The following ARRDC2 variants were observed in gnomAD, a reference collection of about 807,000 sequenced individuals.
The protein encoded by ARRDC2 is arrestin domain containing 2.
Under a neutral mutation model 38.9 loss-of-function variants are expected in ARRDC2, and 39 were observed. That is an observed-to-expected ratio of 1.00 (90% confidence interval 0.78 to 1.31). ARRDC2 has a LOEUF of 1.31. Ranked by LOEUF, ARRDC2 falls within the 50% of genes most tolerant of loss-of-function variation. The pLI is 0.00. For missense variants in ARRDC2, 553 were observed against 588.4 expected (o/e 0.94, Z 0.62); for synonymous variants, 300 against 261.9 (o/e 1.15, Z -1.41).
At position 18,008,337 on chromosome 19, in the gene ARRDC2, C is replaced by T; in HGVS notation, c.27C>T (p.Phe9=). 1 of 1,597,096 alleles carries T rather than the reference C, an allele frequency of 6.3e-7. No homozygotes were observed. Among genetic ancestry groups the T allele is most frequent in the Non-Finnish European group, 8.5e-7 (1 of 1,179,048 alleles). The part of the protein sequence containing the change: MLFDKVKA[F]SVQLDGATAG... ...TGCTATTCGACAAGGTGAAAGCGTTCTCGGTGCAGTTGGACGGCGCGACCG... is the reference window on the plus strand; with the variant it reads ...TGCTATTCGACAAGGTGAAAGCGTTTTCGGTGCAGTTGGACGGCGCGACCG... Residue 9 remains phenylalanine (F), a synonymous_variant, in exon 1 of 8, where the codon TTC becomes TTT. Transcript: ENST00000222250.
chr19:18,004,536 C>T (rs1245598110), upstream of ARRDC2, among the ~76,000 whole-genome samples: 3 of 150,516 alleles, frequency 2.0e-5, no homozygotes, highest in Non-Finnish European at 3.0e-5. Context: ...CGTGAGCCAC[C>T]GCGCCCGGCC....
chr19:18,006,326 G>A (rs1162300928), upstream of ARRDC2, among the ~76,000 whole-genome samples: 2 of 152,180 alleles, frequency 1.3e-5, no homozygotes, highest in Non-Finnish European at 2.9e-5. Flanking sequence ...CTGCACTCCA[G>A]CCTGGGCACC....
exon 1 of ARRDC2, chr19:18,001,241 C>G (rs1007281474): frequency 2.6e-6 from 3 of 1,134,020 alleles, no homozygotes; most frequent in South Asian, 4.4e-5. Context: ...CGCGGAAACC[C>G]CGGGGATCTG....
chr19:18,008,442 G>A lies in ARRDC2; in HGVS notation c.132G>A (p.Val44=). ...VLLELSSAAR[V]GALRLRARGR... The stretch of plus-strand genomic sequence containing the variant: ...TGGAGCTGTCAAGCGCCGCGCGTGT[G>A]GGTGCCCTGAGGCTGCGCGCGCGGG... Residue 44 remains valine (V), a synonymous_variant, in exon 1 of 8, where the codon GTG becomes GTA. Coordinates refer to ENST00000222250, the MANE Select transcript of ARRDC2 (RefSeq NM_015683.2). 6.3e-7 allele frequency: 1 copy of A among 1,578,960 alleles called. No individual in the cohort carries two copies. The highest frequency in any genetic ancestry group is 1.1e-5 in the South Asian group (1 of 89,192).
chr19:18,005,596 ACGGGGCGGC>A (rs2145997773), upstream of ARRDC2, among the ~76,000 whole-genome samples: 3 of 148,232 alleles, frequency 2.0e-5, no homozygotes, highest in Admixed American at 6.7e-5. Flanking sequence ...CACCTCCCGG[ACGGGGCGGC>A]TGGCCGGGTG....
chr19:18,010,994 G>T (rs1490766629), intron 7 of ARRDC2, among the ~76,000 whole-genome samples: 1 of 151,170 alleles, frequency 6.6e-6, no homozygotes, highest in Non-Finnish European at 1.5e-5. Flanking sequence ...TTTGTGTTTT[G>T]TTTTGTTTTG....
In ARRDC2 at chr19:18,009,061, G is replaced by T. The variant is rs146041752; in HGVS notation, c.432G>T (p.Arg144=). 2.3e-5 allele frequency: 37 copies of T among 1,613,548 alleles called. No homozygotes were observed. In the African/African-American group the frequency reaches 4.3e-4, roughly 19 times the overall value. The change falls in exon 3 of 8, where the codon CGG becomes CGT. Residue 144 remains arginine, a synonymous_variant. Coordinates refer to ENST00000222250, the MANE Select transcript of ARRDC2 (RefSeq NM_015683.2). ...ACCGGCCCTGGGTCCCAGCACGCCG[G>T]GCAAGGAAGGTGTTCACTGTCATCG... is the stretch of plus-strand genomic sequence containing the variant. The part of the protein sequence containing the change: ...TLHRPWVPAR[R]ARKVFTVIEP...
At position 18,010,637 on chromosome 19, in the gene ARRDC2, C is replaced by G; in HGVS notation, c.1078C>G (p.Pro360Ala). 1 of 1,613,878 alleles carries G rather than the reference C, an allele frequency of 6.2e-7. No individual in the cohort carries two copies. Among genetic ancestry groups the G allele is most frequent in the Non-Finnish European group, 8.5e-7 (1 of 1,179,976 alleles). The change falls in exon 7 of 8, where the codon CCG (proline) becomes GCG (alanine). Residue 360 changes from proline to alanine, a missense_variant. This residue lies in a region of ARRDC2 where 100 missense variants were observed against 107.6 expected (regional missense o/e 0.93). Coordinates refer to ENST00000222250, the MANE Select transcript of ARRDC2 (RefSeq NM_015683.2). ...GGCAGCCTTGGGGCAGAGCCCCTTCCCGCTTCCGCAGGACCCCGACATGAG... is the reference window on the plus strand; with the variant it reads ...GGCAGCCTTGGGGCAGAGCCCCTTCGCGCTTCCGCAGGACCCCGACATGAG... ...EEAALGQSPFPLPQDPDMSLE... is the reference protein window; with the variant it reads ...EEAALGQSPFALPQDPDMSLE...
At chr19:18,005,259 T>C (rs1432289888), upstream of ARRDC2, among the ~76,000 whole-genome samples, 2 of 152,068 alleles carry the variant, frequency 1.3e-5, no homozygotes, top group African/African-American at 4.8e-5. Context: ...TTAATCCATT[T>C]AACCCTGAGT....
At chr19:18,010,523 A>T (rs758877058) in intron 6 of ARRDC2, 49 bp from the exon 7 acceptor site, 1 of 1,601,028 alleles carries the variant, frequency 6.2e-7, no homozygotes, top group East Asian at 2.2e-5. Context: ...GGTCCCTTGG[A>T]GCAGGGCTCT....
exon 1 of ARRDC2, chr19:18,001,306 C>T (rs2145993081): frequency 8.4e-7 from 1 of 1,197,240 alleles, no homozygotes; most frequent in Non-Finnish European, 1.0e-6. Context: ...GTGTCCCCAG[C>T]CGCGCGCCAT....
In ARRDC2 at chr19:18,008,893, C is replaced by T. The variant is rs577005786; in HGVS notation, c.342-78C>T. ...CCAAGACTCTCCCCCTGGGAGGCCC[C>T]CGGAGTGTCTGTGTCTCCTTCTCCC... On this transcript the variant is annotated intron_variant, in intron 2 of 7. Coordinates refer to ENST00000222250, the MANE Select transcript of ARRDC2 (RefSeq NM_015683.2). 644 of 1,599,780 alleles carry T rather than the reference C, an allele frequency of 4.0e-4. 4 individuals carry two copies. The African/African-American group carries it at 7.8e-3, about 19-fold the overall frequency.
At chr19:18,007,886 T>G (rs2033310840), upstream of ARRDC2, 1 of 268,844 alleles carries the variant, frequency 3.7e-6, no homozygotes, top group Admixed American at 5.7e-5. Flanking sequence ...CTAGGTGACC[T>G]CAGGCCTGGG....
chr19:18,010,801 G>A (rs985722654), intron 7 of ARRDC2, 72 bp downstream of exon 7: 3 of 1,516,152 alleles, frequency 2.0e-6, no homozygotes, highest in Non-Finnish European at 1.8e-6. Context: ...GGCAGACATA[G>A]TAGATGGGTT....
rs1227386748 is a variant in ARRDC2 at position 18,010,519 on chromosome 19, T to G, written c.1013-53T>G. 3.1e-6 allele frequency: 5 copies of G among 1,592,214 alleles called. No individual in the cohort carries two copies. In the African/African-American group the frequency reaches 4.0e-5, roughly 13 times the overall value. On this transcript the variant is annotated intron_variant, in intron 6 of 7. Coordinates refer to ENST00000222250, the MANE Select transcript of ARRDC2 (RefSeq NM_015683.2). ...AAGCCAGCTCCTGGCCCCTGGTCCC[T>G]TGGAGCAGGGCTCTCTCCTGCCAAC...
chr19:18,010,025 G>A lies in ARRDC2; in HGVS notation c.835G>A (p.Asp279Asn), dbSNP rs1332330601. The stretch of plus-strand genomic sequence containing the variant: ...CCTGCACTGCCGCGTTCTACACGTG[G>A]ACTACGCACTCAAGGTAGGGCATCC... The part of the protein sequence containing the change: ...SILHCRVLHV[D>N]YALKVCVDIP... Residue 279 changes from aspartate to asparagine, a missense_variant, in exon 5 of 8, where the codon GAC becomes AAC. Coordinates refer to ENST00000222250, the MANE Select transcript of ARRDC2 (RefSeq NM_015683.2). 1.2e-6 allele frequency: 2 copies of A among 1,602,804 alleles called. No individual in the cohort carries two copies. The highest frequency in any genetic ancestry group is 2.2e-5 in the East Asian group (1 of 44,872).
chr19:18,008,138 C>CCG, upstream of ARRDC2: 1 of 1,339,266 alleles, frequency 7.5e-7, no homozygotes, highest in Non-Finnish European at 9.6e-7. Context: ...CCCGCCCTGC[C>CCG]GTATAAAAGC....
chr19:18,001,503 C>T, exon 1 of ARRDC2: 2 of 1,377,178 alleles, frequency 1.5e-6, no homozygotes, highest in Non-Finnish European at 9.4e-7. Context: ...GCAGCGTGGG[C>T]GTCAACGCCG....
upstream of ARRDC2, chr19:18,008,074 G>A (rs1444908102): frequency 7.8e-6 from 9 of 1,157,164 alleles, no homozygotes; most frequent in South Asian, 1.3e-4. Flanking sequence ...CCCTTGTCGC[G>A]CTATTGGTGG....
Sources: allele counts gnomAD v4.1 joint callset (sites outside exome capture counted in the v4.1 genomes callset), GRCh38; gene constraint gnomAD v4.1.1; regional missense constraint gnomAD v4.1.1; transcripts MANE v1.5; gene names NCBI Gene and HGNC (gene_info 2026-07-23, HGNC 2026-07-21).